Variants in DOCK3 observed in about 807,000 individuals in gnomAD.
DOCK3 encodes the protein dedicator of cytokinesis protein 3.
In DOCK3, 60 loss-of-function variants were observed where a neutral mutation model predicts 265.6. The ratio of observed to expected loss-of-function variants is 0.23; its 90% CI spans 0.18 to 0.28. The LOEUF (loss-of-function observed/expected upper bound fraction) is 0.28. Ranked by LOEUF, DOCK3 falls within the 10% of genes least tolerant of loss-of-function variation. DOCK3 has a pLI of 1.00. For synonymous variants in DOCK3, 881 were observed against 938.0 expected (o/e 0.94, Z 1.11); for missense variants, 1,981 against 2,594.3 (o/e 0.76, Z 5.14).
At chr3:51,021,926 G>T (rs755981820) in intron 5 of DOCK3, among the ~76,000 whole-genome samples, 1 of 152,102 alleles carries the variant, frequency 6.6e-6, no homozygotes, top group Non-Finnish European at 1.5e-5. Context: ...CTCCCTAAGT[G>T]CTGGGATTAC....
chr3:51,369,592 G>A (rs185650430), intron 49 of DOCK3, among the ~76,000 whole-genome samples: 4 of 152,188 alleles, frequency 2.6e-5, no homozygotes, highest in South Asian at 4.2e-4. Context: ...TATGACTTGG[G>A]AAGTCATTAA....
At chr3:50,980,761 CTG>C (rs2077660842) in intron 5 of DOCK3, among the ~76,000 whole-genome samples, 1 of 151,982 alleles carries the variant, frequency 6.6e-6, no homozygotes, top group Non-Finnish European at 1.5e-5. Context: ...TCATAATTCT[CTG>C]TAATTATACT....
chr3:50,948,401 C>CTTTTT (rs59584829), intron 5 of DOCK3, among the ~76,000 whole-genome samples: 48 of 98,598 alleles, frequency 4.9e-4, no homozygotes, highest in Middle Eastern at 7.8e-3. Flanking sequence ...AAGTTTTAAT[C>CTTTTT]TTTTTTTTTT....
chr3:51,172,890 T>TA (rs1464462286), intron 12 of DOCK3, among the ~76,000 whole-genome samples: 3 of 152,234 alleles, frequency 2.0e-5, no homozygotes, highest in African/African-American at 7.2e-5. Flanking sequence ...TTTAAGTTGA[T>TA]ACAATAGCAA....
At chr3:51,164,203 C>CT (rs916056930) in intron 12 of DOCK3, among the ~76,000 whole-genome samples, 5 of 152,062 alleles carry the variant, frequency 3.3e-5, no homozygotes, top group African/African-American at 1.2e-4. Context: ...TAGCTTTGCT[C>CT]TTTTTTAAAA....
intron 51 of DOCK3, among the ~76,000 whole-genome samples, chr3:51,377,143 C>A (rs2088204106): frequency 6.6e-6 from 1 of 152,232 alleles, no homozygotes; most frequent in South Asian, 2.1e-4. Context: ...AGGCCTCAGG[C>A]CAAGGCCAGA....
intron 8 of DOCK3, among the ~76,000 whole-genome samples, chr3:51,089,551 C>A (rs141737579): frequency 6.6e-6 from 1 of 152,060 alleles, no homozygotes; most frequent in African/African-American, 2.4e-5. Context: ...GTAACTATTA[C>A]GAGGTAACAG....
chr3:51,163,597 G>A (rs2086240225), intron 12 of DOCK3, among the ~76,000 whole-genome samples: 1 of 151,990 alleles, frequency 6.6e-6, no homozygotes, highest in South Asian at 2.1e-4. Flanking sequence ...AACCCAAAAG[G>A]AGAGGAGTGC....
intron 3 of DOCK3, among the ~76,000 whole-genome samples, chr3:50,848,689 G>A (rs977832877): frequency 2.0e-5 from 3 of 152,104 alleles, no homozygotes; most frequent in Admixed American, 6.5e-5. Context: ...CATTGTATGC[G>A]GTCTGATGTT....
At chr3:51,114,630 G>C (rs139899897) in intron 9 of DOCK3, among the ~76,000 whole-genome samples, 6 of 152,136 alleles carry the variant, frequency 3.9e-5, no homozygotes, top group African/African-American at 1.2e-4. Flanking sequence ...GTTAGGGAAG[G>C]CTTTTTTGTT....
chr3:51,169,019 A>G (rs1447225317), intron 12 of DOCK3, among the ~76,000 whole-genome samples: 1 of 151,514 alleles, frequency 6.6e-6, no homozygotes, highest in Non-Finnish European at 1.5e-5. Context: ...AGAAATGCCA[A>G]CCAAAATCAC....
chr3:50,804,105 C>T (rs905817570), intron 2 of DOCK3, among the ~76,000 whole-genome samples: 8 of 147,944 alleles, frequency 5.4e-5, no homozygotes, highest in East Asian at 2.0e-4. Context: ...TCAGACGGGG[C>T]GGCGGGGCAG....
At chr3:50,772,747 C>T (rs1385530112) in intron 1 of DOCK3, among the ~76,000 whole-genome samples, 1 of 152,024 alleles carries the variant, frequency 6.6e-6, no homozygotes, top group Non-Finnish European at 1.5e-5. Flanking sequence ...TGAAAGATTT[C>T]TACAATGATA....
intron 9 of DOCK3, among the ~76,000 whole-genome samples, chr3:51,120,581 A>C (rs1271780573): frequency 6.6e-6 from 1 of 152,186 alleles, no homozygotes; most frequent in Non-Finnish European, 1.5e-5. Flanking sequence ...CACTTCCCCC[A>C]GGTGCTCTGT....
chr3:50,873,549 C>T (rs1040819139), intron 3 of DOCK3, among the ~76,000 whole-genome samples: 4 of 152,220 alleles, frequency 2.6e-5, no homozygotes, highest in African/African-American at 9.6e-5. Context: ...GCTACCCTAG[C>T]TGTTATCTCA....
chr3:51,278,287 A>G, intron 26 of DOCK3: 1 of 985,426 alleles, frequency 1.0e-6, no homozygotes, highest in Non-Finnish European at 1.2e-6. Flanking sequence ...TGATCTAATT[A>G]GAAGAGAAAC....
intron 35 of DOCK3, among the ~76,000 whole-genome samples, chr3:51,337,915 T>G (rs1373494835): frequency 6.6e-6 from 1 of 152,194 alleles, no homozygotes; most frequent in Non-Finnish European, 1.5e-5. Context: ...GTGGTGAACA[T>G]GTACAGAGCC....
chr3:50,737,140 C>T (rs2038687963), intron 1 of DOCK3, among the ~76,000 whole-genome samples: 2 of 152,002 alleles, frequency 1.3e-5, no homozygotes, highest in East Asian at 1.9e-4. Flanking sequence ...AATTTTTTCC[C>T]ATTCTGTAGG....
chr3:50,914,169 T>C (rs2050000635), intron 4 of DOCK3, among the ~76,000 whole-genome samples: 1 of 152,004 alleles, frequency 6.6e-6, no homozygotes, highest in Non-Finnish European at 1.5e-5. Flanking sequence ...TGTGGCTCTT[T>C]GTATTTTTTT....
Sources: allele counts gnomAD v4.1 joint callset (sites outside exome capture counted in the v4.1 genomes callset), GRCh38; gene constraint gnomAD v4.1.1; transcripts MANE v1.5; gene names NCBI Gene and HGNC (gene_info 2026-07-23, HGNC 2026-07-21).